RGS6: variants seen among roughly 807,000 people sequenced by gnomAD.
The protein encoded by RGS6 is regulator of G protein signaling 6, also known as regulator of G-protein signaling 6.
A neutral mutation model predicts 78.5 loss-of-function variants in RGS6; 30 were observed. The observed-to-expected ratio is 0.38, with a 90% CI of 0.29 to 0.52. The LOEUF (loss-of-function observed/expected upper bound fraction) is 0.52, where lower values mean the gene tolerates loss of function less well. Ranked by LOEUF, RGS6 falls within the 20% of genes least tolerant of loss-of-function variation. The pLI is 0.85. For missense variants in RGS6, 495 were observed against 609.7 expected (o/e 0.81, Z 1.98); for synonymous variants, 206 against 206.0 (o/e 1.00, Z 0.00).
intron 2 of RGS6, among the ~76,000 whole-genome samples, chr14:72,293,999 CG>C (rs1567683571): frequency 6.6e-6 from 1 of 152,178 alleles, no homozygotes; most frequent in Non-Finnish European, 1.5e-5. Flanking sequence ...GATGGATATG[CG>C]GGCTGTGTCC....
At chr14:72,532,458 T>G (rs190522074) in intron 15 of RGS6, among the ~76,000 whole-genome samples, 1 of 152,120 alleles carries the variant, frequency 6.6e-6, no homozygotes, top group African/African-American at 2.4e-5. Flanking sequence ...AACTCTGCAG[T>G]GGTCTCTAAG....
At chr14:72,487,455 G>A (rs57380844) in intron 12 of RGS6, among the ~76,000 whole-genome samples, 20,760 of 152,262 alleles carry the variant, frequency 0.14, 1,485 homozygotes, top group Admixed American at 0.18. Flanking sequence ...GAGAATTCAG[G>A]TTGCAGGTGG....
rs566971848 is a variant in RGS6 at position 72,091,092 on chromosome 14, G to A, written c.84+126217G>A. Among the ~76,000 whole-genome samples the A allele has an allele frequency of 1.2e-4, 18 of 151,670 alleles. No homozygotes were observed. In the East Asian group the frequency reaches 3.3e-3, roughly 28 times the overall value. On this transcript the variant is annotated intron_variant, in intron 2 of 17. Coordinates refer to ENST00000553525, the MANE Select transcript of RGS6 (RefSeq NM_001204424.2). ...AGAAAGTCAGTACCAGTTTCAACAC[G>A]CCCTCCAGCTGCCTTCCTCCAGGGA... is the stretch of plus-strand genomic sequence containing the variant.
At chr14:72,506,217 A>C (rs1294122973) in intron 13 of RGS6, among the ~76,000 whole-genome samples, 1 of 151,970 alleles carries the variant, frequency 6.6e-6, no homozygotes, top group African/African-American at 2.4e-5. Flanking sequence ...ATGGTCCCTG[A>C]CCTCAAAGAG....
At chr14:72,267,788 T>A (rs2059304006) in intron 2 of RGS6, among the ~76,000 whole-genome samples, 1 of 152,262 alleles carries the variant, frequency 6.6e-6, no homozygotes, top group South Asian at 2.1e-4. Context: ...GCTGAATCCC[T>A]TCTTTCAGCC....
intron 2 of RGS6, among the ~76,000 whole-genome samples, chr14:72,115,490 G>A (rs1009449289): frequency 2.0e-5 from 3 of 152,168 alleles, no homozygotes; most frequent in African/African-American, 7.2e-5. Context: ...ACTTCCAGGA[G>A]AAGCCGACTG....
At chr14:71,949,865 A>T (rs1160142958) in intron 1 of RGS6, among the ~76,000 whole-genome samples, 2 of 151,660 alleles carry the variant, frequency 1.3e-5, no homozygotes, top group African/African-American at 4.8e-5. Flanking sequence ...GGTGTGATAA[A>T]GGCATCCGTA....
At position 71,945,697 on chromosome 14, in the gene RGS6, A is replaced by ACCTGG. The variant is rs2091405997; in HGVS notation, c.-21+12760_-21+12761insGCCTG. Among the ~76,000 whole-genome samples the ACCTGG allele has an allele frequency of 2.6e-5, 4 of 152,302 alleles. No homozygotes were observed. The South Asian group carries it at 8.3e-4, about 32-fold the overall frequency. On this transcript the variant is annotated intron_variant, in intron 1 of 17. Coordinates refer to ENST00000553525, the MANE Select transcript of RGS6 (RefSeq NM_001204424.2). The stretch of plus-strand genomic sequence containing the variant: ...CCATCCACGTGTGATGATGAATGGC[A>ACCTGG]CCTGACCTTGGATCTCAGGGTTGGG...
At chr14:72,097,974 A>G (rs960800622) in intron 2 of RGS6, among the ~76,000 whole-genome samples, 4 of 152,104 alleles carry the variant, frequency 2.6e-5, no homozygotes, top group African/African-American at 4.8e-5. Context: ...CATTTTTCCA[A>G]TGTCTGGTAG....
At chr14:72,284,092 C>A (rs1322340492) in intron 2 of RGS6, among the ~76,000 whole-genome samples, 1 of 152,152 alleles carries the variant, frequency 6.6e-6, no homozygotes, top group Non-Finnish European at 1.5e-5. Context: ...AATTGCTAAG[C>A]AGCAAACCAT....
chr14:71,973,771 C>CT (rs1191469887), intron 2 of RGS6, among the ~76,000 whole-genome samples: 2 of 152,086 alleles, frequency 1.3e-5, no homozygotes, highest in African/African-American at 4.8e-5. Flanking sequence ...TTTTTTGAAG[C>CT]TTTTTTTATT....
the RGS6 span, among the ~76,000 whole-genome samples, chr14:71,905,686 C>T: frequency 1.3e-5 from 2 of 152,166 alleles, no homozygotes; most frequent in Admixed American, 6.5e-5. Flanking sequence ...GACAGGGTTT[C>T]ACCATGTTGC....
intron 7 of RGS6, among the ~76,000 whole-genome samples, chr14:72,468,664 C>A (rs913476865): frequency 1.3e-5 from 2 of 152,066 alleles, no homozygotes; most frequent in African/African-American, 4.8e-5. Flanking sequence ...GCTTCTCTTT[C>A]CCCAGTCATT....
intron 2 of RGS6, among the ~76,000 whole-genome samples, chr14:72,122,734 G>C (rs12590592): frequency 6.9e-6 from 1 of 145,400 alleles, no homozygotes; most frequent in Non-Finnish European, 1.5e-5. Context: ...TGGGTTCTAA[G>C]TTATCGTTTT....
intron 2 of RGS6, among the ~76,000 whole-genome samples, chr14:72,221,504 A>G (rs2153792051): frequency 6.6e-6 from 1 of 152,306 alleles, no homozygotes; most frequent in South Asian, 2.1e-4. Flanking sequence ...TTCTGGAACT[A>G]TAGAGGTCAT....
At chr14:72,252,528 C>T (rs1413192456) in intron 2 of RGS6, among the ~76,000 whole-genome samples, 1 of 152,216 alleles carries the variant, frequency 6.6e-6, no homozygotes, top group African/African-American at 2.4e-5. Flanking sequence ...TGTCTGCTCC[C>T]ATCTCCCTGT....
intron 3 of RGS6, among the ~76,000 whole-genome samples, chr14:72,362,694 C>A (rs992514145): frequency 6.6e-6 from 1 of 152,206 alleles, no homozygotes; most frequent in African/African-American, 2.4e-5. Context: ...GCCTAGGCTC[C>A]AGAACTCATA....
intron 17 of RGS6, among the ~76,000 whole-genome samples, chr14:72,545,213 CATT>C (rs2097376626): frequency 6.6e-6 from 1 of 152,248 alleles, no homozygotes; most frequent in South Asian, 2.1e-4. Context: ...GGGTCACAAA[CATT>C]AGTGCCAGCC....
the RGS6 span, among the ~76,000 whole-genome samples, chr14:71,888,490 C>T: frequency 1.3e-5 from 2 of 151,916 alleles, no homozygotes; most frequent in African/African-American, 2.4e-5. Flanking sequence ...CCTCCTGCTT[C>T]CTATTGATTG....
Sources: gnomAD v4.1 joint callset for allele counts (sites outside exome capture counted in the v4.1 genomes callset) on GRCh38, gnomAD v4.1.1 for gene constraint, MANE v1.5 for transcripts, NCBI Gene and HGNC (gene_info 2026-07-23, HGNC 2026-07-21) for gene names.